Variants in SYNE2 observed in about 807,000 individuals in gnomAD.
The protein encoded by SYNE2 is nesprin-2.
In SYNE2, 431 loss-of-function variants were observed where a neutral mutation model predicts 856.3. The observed-to-expected ratio is 0.50, with a 90% CI of 0.47 to 0.55. The LOEUF (loss-of-function observed/expected upper bound fraction) is 0.55. Among genes scored for constraint, SYNE2 ranks in the 20% least tolerant of loss-of-function variants. SYNE2 has a pLI of 0.00. For missense variants in SYNE2, 8,129 were observed against 8,023.2 expected (o/e 1.01, Z -0.50); for synonymous variants, 2,923 against 2,872.3 (o/e 1.02, Z -0.56).
intron 1 of SYNE2, among the ~76,000 whole-genome samples, chr14:63,868,791 C>G (rs1286653311): frequency 6.6e-6 from 1 of 152,128 alleles, no homozygotes; most frequent in Non-Finnish European, 1.5e-5. Context: ...AAAAGGCATT[C>G]AAAGTCTGAT....
rs766328466 is a variant in SYNE2 at position 64,223,375 on chromosome 14, A to T, written c.20377A>T (p.Thr6793Ser). Residue 6793 changes from threonine (T) to serine (S), a missense_variant, in exon 113 of 116, where the codon ACC becomes TCC. Thr to Ser is a moderately conservative substitution (Grantham distance 58). Transcript: ENST00000555002. ...VSQDLMALQGTQNPASPLPSF... is the reference protein window; with the variant it reads ...VSQDLMALQGSQNPASPLPSF... ...CCAAGATTTAATGGCCTTGCAGGGA[A>T]CCCAGGTGAGTCTACTTGTAGCTTT... 10 of 1,613,770 alleles carry T rather than the reference A, an allele frequency of 6.2e-6. No homozygotes were observed. Among genetic ancestry groups the T allele is most frequent in the Non-Finnish European group, 8.5e-6 (10 of 1,179,836 alleles).
At chr14:64,159,515 G>A in intron 87 of SYNE2, 73 bp downstream of exon 87, 1 of 1,554,494 alleles carries the variant, frequency 6.4e-7, no homozygotes, top group Non-Finnish European at 8.8e-7. Flanking sequence ...GGGGGCATAG[G>A]CATTGTAAAG....
intron 100 of SYNE2, among the ~76,000 whole-genome samples, chr14:64,203,732 G>A: frequency 6.6e-6 from 1 of 152,036 alleles, no homozygotes; most frequent in East Asian, 1.9e-4. Context: ...AGACCTATGG[G>A]CAGATTCTGT....
chr14:63,996,840 A>C (rs2096717736), intron 23 of SYNE2, 107 bp from the exon 24 acceptor site: 1 of 1,065,716 alleles, frequency 9.4e-7, no homozygotes, highest in South Asian at 1.4e-5. Context: ...GATGGCCTAT[A>C]CAAGAACACA....
At chr14:63,860,831 A>C (rs1704997269) in intron 1 of SYNE2, among the ~76,000 whole-genome samples, 1 of 152,230 alleles carries the variant, frequency 6.6e-6, no homozygotes, top group African/African-American at 2.4e-5. Flanking sequence ...AGAAGCAGAA[A>C]GGCCCATAAG....
intron 87 of SYNE2, among the ~76,000 whole-genome samples, chr14:64,160,784 T>G (rs1255520322): frequency 6.6e-6 from 1 of 152,230 alleles, no homozygotes; most frequent in Admixed American, 6.5e-5. Context: ...ATTCTTTGAC[T>G]CTGTAATTCT....
chr14:64,169,013 G>A, intron 93 of SYNE2, 42 bp downstream of exon 93: 1 of 1,476,734 alleles, frequency 6.8e-7, no homozygotes. Context: ...GCGGATGGAA[G>A]GTAATGCATT....
At chr14:64,153,539 AG>A (rs2098261905) in intron 85 of SYNE2, among the ~76,000 whole-genome samples, 1 of 152,192 alleles carries the variant, frequency 6.6e-6, no homozygotes, top group Non-Finnish European at 1.5e-5. Context: ...TGAAATCCAT[AG>A]GCAACACTCA....
At chr14:63,996,644 A>G (rs1232866497) in intron 23 of SYNE2, among the ~76,000 whole-genome samples, 3 of 151,946 alleles carry the variant, frequency 2.0e-5, no homozygotes, top group Non-Finnish European at 4.4e-5. Flanking sequence ...TTTCTTCCAC[A>G]TATAGCTCAG....
intron 11 of SYNE2, among the ~76,000 whole-genome samples, chr14:63,971,823 T>TA (rs1237130684): frequency 6.6e-6 from 1 of 152,058 alleles, no homozygotes; most frequent in Non-Finnish European, 1.5e-5. Context: ...TTGCCTTCAT[T>TA]AAAAAAATGA....
intron 1 of SYNE2, among the ~76,000 whole-genome samples, chr14:63,867,360 C>T (rs1167142681): frequency 1.4e-5 from 2 of 144,176 alleles, no homozygotes; most frequent in Non-Finnish European, 3.0e-5. Flanking sequence ...ATTCTCAGTT[C>T]TTCTGTGCCC....
chr14:64,208,634 G>A, intron 100 of SYNE2, 124 bp from the exon 101 acceptor site: 2 of 1,011,492 alleles, frequency 2.0e-6, no homozygotes, highest in South Asian at 2.7e-5. Flanking sequence ...GTTCATGGTG[G>A]AAATCCACCC....
intron 65 of SYNE2, among the ~76,000 whole-genome samples, chr14:64,112,304 A>G (rs1044362755): frequency 6.6e-6 from 1 of 152,248 alleles, no homozygotes; most frequent in Non-Finnish European, 1.5e-5. Context: ...CACGTTAACA[A>G]ACTCTTATAG....
intron 96 of SYNE2, among the ~76,000 whole-genome samples, chr14:64,179,499 C>G (rs2098448737): frequency 6.6e-6 from 1 of 152,208 alleles, no homozygotes; most frequent in East Asian, 1.9e-4. Flanking sequence ...GCACCTAATG[C>G]ACATTCATTC....
At chr14:63,946,852 T>G (rs2096039627) in intron 6 of SYNE2, among the ~76,000 whole-genome samples, 3 of 151,794 alleles carry the variant, frequency 2.0e-5, no homozygotes, top group Admixed American at 2.0e-4. Flanking sequence ...ACTTTTATAT[T>G]CCTTTTTTTT....
At chr14:64,182,914 G>A (rs1188299188) in intron 96 of SYNE2, among the ~76,000 whole-genome samples, 2 of 152,214 alleles carry the variant, frequency 1.3e-5, no homozygotes, top group African/African-American at 2.4e-5. Flanking sequence ...CCTCCTAGAC[G>A]GGGTGACGGC....
chr14:63,990,340 G>T, intron 19 of SYNE2, 71 bp from the exon 20 acceptor site: 1 of 1,497,576 alleles, frequency 6.7e-7, no homozygotes. Context: ...GGTTTCCTGA[G>T]ATTGTTTTGA....
At position 64,121,031 on chromosome 14, in the gene SYNE2, C is replaced by G. The variant is rs2097894332; in HGVS notation, c.13128C>G (p.Phe4376Leu). Reference sequence around the variant, plus strand: ...CCATTGTAACTGAAAGGCCACAATTCAGCAGACAAAAAGATTTCCAGCAGC... The same window carrying G: ...CCATTGTAACTGAAAGGCCACAATTGAGCAGACAAAAAGATTTCCAGCAGC... ...LESIVTERPQ[F>L]SRQKDFQQQQ... is the part of the protein sequence containing the mutation. The change falls in exon 68 of 116, where the codon TTC becomes TTG. Residue 4376 changes from phenylalanine to leucine, a missense_variant. This residue lies in a region of SYNE2 where 5,410 missense variants were observed against 5,284.8 expected (regional missense o/e 1.02). Transcript: ENST00000555002. The G allele has an allele frequency of 6.2e-7, 1 of 1,614,148 alleles. No individual in the cohort carries two copies. Among genetic ancestry groups the G allele is most frequent in the Non-Finnish European group, 8.5e-7 (1 of 1,180,012 alleles).
chr14:63,980,559 C>T (rs2096577872), intron 14 of SYNE2, 95 bp from the exon 15 acceptor site: 1 of 812,802 alleles, frequency 1.2e-6, no homozygotes. Context: ...TTTGGTAACT[C>T]TGTCCTTCGT....
Sources: gnomAD v4.1 joint callset for allele counts (sites outside exome capture counted in the v4.1 genomes callset) on GRCh38, gnomAD v4.1.1 for gene constraint, gnomAD v4.1.1 regional missense constraint, MANE v1.5 for transcripts, NCBI Gene and HGNC (gene_info 2026-07-23, HGNC 2026-07-21) for gene names.